Variants in KRTAP12-3 observed in about 807,000 individuals in gnomAD.
The protein encoded by KRTAP12-3 is keratin-associated protein 12-3.
In KRTAP12-3, 1 loss-of-function variant was observed where a neutral mutation model predicts 0.2. The ratio of observed to expected loss-of-function variants is 4.14; its 90% CI spans 1.47 to 19.66. The LOEUF (loss-of-function observed/expected upper bound fraction) is 19.66, where lower values mean the gene tolerates loss of function less well. Among genes scored for constraint, KRTAP12-3 ranks in the 30% most tolerant of loss-of-function variants. The probability of loss-of-function intolerance (pLI) is 0.11; values close to 1 mark genes in which losing one functional copy is unlikely to be tolerated. For synonymous variants in KRTAP12-3, 61 were observed against 54.3 expected, an observed-to-expected ratio of 1.12 and a Z score of -0.54; for missense variants, 116 against 128.2, an observed-to-expected ratio of 0.90 and a Z score of 0.46.
In KRTAP12-3 at chr21:44,658,328, G is replaced by C. The variant is rs1255677969; in HGVS notation, c.*58G>C. ...TGTATCCCTCCGTGAATAAGCATCTGGTGGACCCCCAGATTGCACACATAG... is the reference window on the plus strand; with the variant it reads ...TGTATCCCTCCGTGAATAAGCATCTCGTGGACCCCCAGATTGCACACATAG... On this transcript the variant is annotated 3_prime_UTR_variant, in exon 1 of 1. Coordinates refer to ENST00000397907, the MANE Select transcript of KRTAP12-3 (RefSeq NM_198697.2). 6.5e-7 allele frequency: 1 copy of C among 1,533,736 alleles called. No homozygotes were observed. The highest frequency in any genetic ancestry group is 1.2e-5 in the South Asian group (1 of 85,090).
Position 44,657,988 on chromosome 21 carries a change from C to T in KRTAP12-3, c.9C>T (p.His3=). ...CCCAGCCACACGCCACCATGTGCCACACCAGCTGCTCCCCAGCCTGCCAGC... is the reference window on the plus strand; with the variant it reads ...CCCAGCCACACGCCACCATGTGCCATACCAGCTGCTCCCCAGCCTGCCAGC... MC[H]TSCSPACQPT... is the part of the protein sequence containing the mutation. Residue 3 remains histidine, a synonymous_variant, in exon 1 of 1, where the codon CAC becomes CAT. Coordinates refer to ENST00000397907, the MANE Select transcript of KRTAP12-3 (RefSeq NM_198697.2). 1.2e-6 allele frequency: 2 copies of T among 1,613,258 alleles called. No individual in the cohort carries two copies. The highest frequency in any genetic ancestry group is 1.7e-6 in the Non-Finnish European group (2 of 1,179,458).
Position 44,658,280 on chromosome 21 carries a change from C to T in KRTAP12-3, c.*10C>T. The T allele has an allele frequency of 6.2e-7, 1 of 1,612,304 alleles. No individual in the cohort carries two copies. Among genetic ancestry groups the T allele is most frequent in the Non-Finnish European group, 8.5e-7 (1 of 1,178,754 alleles). On this transcript the variant is annotated 3_prime_UTR_variant, in exon 1 of 1. Transcript: ENST00000397907. ...CCCTTCCTGCTGCTGACCAGCTGCT[C>T]CTGGTACACGGGGGTACACACCTGT...
At position 44,658,281 on chromosome 21, in the gene KRTAP12-3, C is replaced by G; in HGVS notation, c.*11C>G. 1.2e-6 allele frequency: 2 copies of G among 1,612,370 alleles called. No individual in the cohort carries two copies. The highest frequency in any genetic ancestry group is 1.1e-5 in the South Asian group (1 of 90,976). ...CCTTCCTGCTGCTGACCAGCTGCTCCTGGTACACGGGGGTACACACCTGTA... is the reference window on the plus strand; with the variant it reads ...CCTTCCTGCTGCTGACCAGCTGCTCGTGGTACACGGGGGTACACACCTGTA... On this transcript the variant is annotated 3_prime_UTR_variant, in exon 1 of 1. Coordinates refer to ENST00000397907, the MANE Select transcript of KRTAP12-3 (RefSeq NM_198697.2).
rs782353512 is a variant in KRTAP12-3 at position 44,658,201 on chromosome 21, G to T, written c.222G>T (p.Gly74=). ...TGACTCCCTCTTGCCAATCTTCGGGGTGCTGCCAGCCCCCCTGCACCACTG... is the reference window on the plus strand; with the variant it reads ...TGACTCCCTCTTGCCAATCTTCGGGTTGCTGCCAGCCCCCCTGCACCACTG... The part of the protein sequence containing the change: ...IYVTPSCQSS[G]CCQPPCTTAL... The change falls in exon 1 of 1, where the codon GGG becomes GGT. Residue 74 remains glycine (G), a synonymous_variant. Coordinates refer to ENST00000397907, the MANE Select transcript of KRTAP12-3 (RefSeq NM_198697.2). The T allele has an allele frequency of 6.2e-7, 1 of 1,614,030 alleles. No homozygotes were observed.
chr21:44,658,122 C>T lies in KRTAP12-3; in HGVS notation c.143C>T (p.Pro48Leu), dbSNP rs1247090907. 2.5e-6 allele frequency: 4 copies of T among 1,613,592 alleles called. No individual in the cohort carries two copies. The highest frequency in any genetic ancestry group is 2.7e-5 in the African/African-American group (2 of 74,776). The change falls in exon 1 of 1, where the codon CCC (proline) becomes CTC (leucine). Residue 48 changes from proline (P) to leucine (L), a missense_variant. Transcript: ENST00000397907. ...TGCACGCGCATTGTGTGCGTGGCTC[C>T]CTCCTGCCAGCCCTCCGTGTGCGTG... The part of the protein sequence containing the change: ...VSCTRIVCVA[P>L]SCQPSVCVPV...
chr21:44,658,051 C>T lies in KRTAP12-3; in HGVS notation c.72C>T (p.Cys24=), dbSNP rs782729442. ...CCIHSPCQAS[C]YVPVSCQSSV... Reference sequence around the variant, plus strand: ...TACACAGCCCCTGCCAGGCATCCTGCTATGTGCCCGTGAGCTGCCAGTCCT... The same window carrying T: ...TACACAGCCCCTGCCAGGCATCCTGTTATGTGCCCGTGAGCTGCCAGTCCT... The change falls in exon 1 of 1, where the codon TGC becomes TGT. Residue 24 remains cysteine, a synonymous_variant. Transcript: ENST00000397907. The T allele has an allele frequency of 1.9e-6, 3 of 1,613,874 alleles. No individual in the cohort carries two copies. The South Asian group carries it at 3.3e-5, about 18-fold the overall frequency.
Position 44,658,072 on chromosome 21 carries a change from G to C in KRTAP12-3, c.93G>C (p.Gln31His). 1 of 1,613,992 alleles carries C rather than the reference G, an allele frequency of 6.2e-7. No homozygotes were observed. Among genetic ancestry groups the C allele is most frequent in the African/African-American group, 1.3e-5 (1 of 75,014 alleles). ...CCTGCTATGTGCCCGTGAGCTGCCA[G>C]TCCTCCGTGTGCATGCCCGTGAGCT... ...QASCYVPVSC[Q>H]SSVCMPVSCT... The change falls in exon 1 of 1, where the codon CAG (glutamine) becomes CAC (histidine). Residue 31 changes from glutamine to histidine, a missense_variant. By Grantham distance (24) the Gln-to-His change is conservative (BLOSUM62 0). Transcript: ENST00000397907.
Position 44,658,183 on chromosome 21 carries a change from C to T in KRTAP12-3, c.204C>T (p.Pro68=), listed in dbSNP as rs782217345. The change falls in exon 1 of 1, where the codon CCC becomes CCT. Residue 68 remains proline, a synonymous_variant. Coordinates refer to ENST00000397907, the MANE Select transcript of KRTAP12-3 (RefSeq NM_198697.2). ...VSCRPIIYVT[P]SCQSSGCCQP... ...GCAGGCCCATCATATATGTGACTCC[C>T]TCTTGCCAATCTTCGGGGTGCTGCC... is the stretch of plus-strand genomic sequence containing the variant. 3.7e-6 allele frequency: 6 copies of T among 1,614,090 alleles called. No homozygotes were observed. The Admixed American group carries it at 6.7e-5, about 18-fold the overall frequency.
In KRTAP12-3 at chr21:44,658,087, G is replaced by A. The variant is rs1286127794; in HGVS notation, c.108G>A (p.Met36Ile). Residue 36 changes from methionine to isoleucine, a missense_variant, in exon 1 of 1, where the codon ATG (methionine) becomes ATA (isoleucine). Physicochemically the swap from Met to Ile is conservative, Grantham distance 10. Transcript: ENST00000397907. ...VPVSCQSSVCMPVSCTRIVCV... is the reference protein window; with the variant it reads ...VPVSCQSSVCIPVSCTRIVCV... ...TGAGCTGCCAGTCCTCCGTGTGCAT[G>A]CCCGTGAGCTGCACGCGCATTGTGT... The A allele has an allele frequency of 5.0e-6, 8 of 1,613,860 alleles. No homozygotes were observed. The highest frequency in any genetic ancestry group is 3.3e-4 in the Middle Eastern group (2 of 6,084).
In KRTAP12-3 at chr21:44,658,029, A is replaced by G. The variant is rs9306111; in HGVS notation, c.50A>G (p.His17Arg). 0.72 allele frequency: 1,169,635 copies of G among 1,613,914 alleles called. 426,169 individuals carry two copies. Among genetic ancestry groups the G allele is most frequent in the African/African-American group, 0.89 (66,881 of 75,030 alleles). ...GCCTGCCAGCCAACCTGCTGCATAC[A>G]CAGCCCCTGCCAGGCATCCTGCTAT... ...SPACQPTCCI[H>R]SPCQASCYVP... Residue 17 changes from histidine (H) to arginine (R), a missense_variant, in exon 1 of 1, where the codon CAC becomes CGC. By Grantham distance (29) the His-to-Arg change is conservative. Transcript: ENST00000397907.
In KRTAP12-3 at chr21:44,657,958, A is replaced by T. The variant is rs587742064; in HGVS notation, c.-22A>T. 2 of 1,607,656 alleles carry T rather than the reference A, an allele frequency of 1.2e-6. No homozygotes were observed. The highest frequency in any genetic ancestry group is 2.2e-5 in the East Asian group (1 of 44,796). On this transcript the variant is annotated 5_prime_UTR_variant, in exon 1 of 1. Coordinates refer to ENST00000397907, the MANE Select transcript of KRTAP12-3 (RefSeq NM_198697.2). ...AGACATCACCATCCTCCTCCCCAGT[A>T]CCAGCCCAGCCACACGCCACCATGT...
Position 44,658,229 on chromosome 21 carries a change from C to T in KRTAP12-3, c.250C>T (p.Leu84Phe). 6.2e-7 allele frequency: 1 copy of T among 1,614,154 alleles called. No homozygotes were observed. The highest frequency in any genetic ancestry group is 8.5e-7 in the Non-Finnish European group (1 of 1,180,006). Residue 84 changes from leucine (L) to phenylalanine (F), a missense_variant, in exon 1 of 1, where the codon CTC becomes TTC. By Grantham distance (22) the Leu-to-Phe change is conservative. Transcript: ENST00000397907. ...GCCQPPCTTA[L>F]CRPISCSTPS... ...CTGCCAGCCCCCCTGCACCACTGCC[C>T]TCTGCAGACCCATCTCCTGCAGCAC...
Position 44,658,141 on chromosome 21 carries a change from G to A in KRTAP12-3, c.162G>A (p.Val54=). 1.9e-6 allele frequency: 3 copies of A among 1,613,504 alleles called. No homozygotes were observed. The highest frequency in any genetic ancestry group is 2.5e-6 in the Non-Finnish European group (3 of 1,179,806). Residue 54 remains valine (V), a synonymous_variant, in exon 1 of 1, where the codon GTG becomes GTA. Transcript: ENST00000397907. ...VCVAPSCQPS[V]CVPVSCRPII... The stretch of plus-strand genomic sequence containing the variant: ...TGGCTCCCTCCTGCCAGCCCTCCGT[G>A]TGCGTGCCCGTGAGCTGCAGGCCCA...
chr21:44,657,994 C>T lies in KRTAP12-3; in HGVS notation c.15C>T (p.Ser5=), dbSNP rs782481775. MCHT[S]CSPACQPTCC... is the part of the protein sequence containing the mutation. ...CACACGCCACCATGTGCCACACCAGCTGCTCCCCAGCCTGCCAGCCAACCT... is the reference window on the plus strand; with the variant it reads ...CACACGCCACCATGTGCCACACCAGTTGCTCCCCAGCCTGCCAGCCAACCT... The change falls in exon 1 of 1, where the codon AGC becomes AGT. Residue 5 remains serine (S), a synonymous_variant. Transcript: ENST00000397907. The T allele has an allele frequency of 5.6e-6, 9 of 1,613,416 alleles. No individual in the cohort carries two copies. The South Asian group carries it at 8.8e-5, about 16-fold the overall frequency.
At position 44,657,959 on chromosome 21, in the gene KRTAP12-3, C is replaced by T. The variant is rs782063826; in HGVS notation, c.-21C>T. On this transcript the variant is annotated 5_prime_UTR_variant, in exon 1 of 1. Transcript: ENST00000397907. Reference sequence around the variant, plus strand: ...GACATCACCATCCTCCTCCCCAGTACCAGCCCAGCCACACGCCACCATGTG... The same window carrying T: ...GACATCACCATCCTCCTCCCCAGTATCAGCCCAGCCACACGCCACCATGTG... 11 of 1,607,732 alleles carry T rather than the reference C, an allele frequency of 6.8e-6. No individual in the cohort carries two copies. The African/African-American group carries it at 1.5e-4, about 21-fold the overall frequency.
Position 44,658,096 on chromosome 21 carries a change from C to T in KRTAP12-3, c.117C>T (p.Ser39=). ...AGTCCTCCGTGTGCATGCCCGTGAG[C>T]TGCACGCGCATTGTGTGCGTGGCTC... The part of the protein sequence containing the change: ...SCQSSVCMPV[S]CTRIVCVAPS... Residue 39 remains serine, a synonymous_variant, in exon 1 of 1, where the codon AGC becomes AGT. Transcript: ENST00000397907. 1 of 1,613,986 alleles carries T rather than the reference C, an allele frequency of 6.2e-7. No homozygotes were observed. Among genetic ancestry groups the T allele is most frequent in the Non-Finnish European group, 8.5e-7 (1 of 1,179,938 alleles).
In KRTAP12-3 at chr21:44,657,999, C is replaced by T. The variant is rs782186059; in HGVS notation, c.20C>T (p.Ser7Phe). The T allele has an allele frequency of 1.9e-6, 3 of 1,613,574 alleles. No individual in the cohort carries two copies. The highest frequency in any genetic ancestry group is 2.5e-6 in the Non-Finnish European group (3 of 1,179,768). The change falls in exon 1 of 1, where the codon TCC becomes TTC. Residue 7 changes from serine (S) to phenylalanine (F), a missense_variant. Physicochemically the swap from Ser to Phe is radical, Grantham distance 155 (BLOSUM62 -2). Coordinates refer to ENST00000397907, the MANE Select transcript of KRTAP12-3 (RefSeq NM_198697.2). The stretch of plus-strand genomic sequence containing the variant: ...GCCACCATGTGCCACACCAGCTGCT[C>T]CCCAGCCTGCCAGCCAACCTGCTGC... Reference protein sequence around the residue: MCHTSCSPACQPTCCIH... With the variant: MCHTSCFPACQPTCCIH...
rs1555942981 is a variant in KRTAP12-3 at position 44,658,242 on chromosome 21, T to C, written c.263T>C (p.Ile88Thr). The change falls in exon 1 of 1, where the codon ATC becomes ACC. Residue 88 changes from isoleucine to threonine, a missense_variant. Transcript: ENST00000397907. ...TGCACCACTGCCCTCTGCAGACCCA[T>C]CTCCTGCAGCACCCCTTCCTGCTGC... ...PPCTTALCRP[I>T]SCSTPSCC The C allele has an allele frequency of 6.2e-7, 1 of 1,613,764 alleles. No homozygotes were observed. Among genetic ancestry groups the C allele is most frequent in the African/African-American group, 1.3e-5 (1 of 74,882 alleles).
rs1555942881 is a variant in KRTAP12-3, at chr21:44,658,001, C to G, written c.22C>G (p.Pro8Ala). Residue 8 changes from proline to alanine, a missense_variant, in exon 1 of 1, where the codon CCA becomes GCA. By Grantham distance (27) the Pro-to-Ala change is conservative. Transcript: ENST00000397907. ...CACCATGTGCCACACCAGCTGCTCC[C>G]CAGCCTGCCAGCCAACCTGCTGCAT... MCHTSCS[P>A]ACQPTCCIHS... 6.2e-7 allele frequency: 1 copy of G among 1,613,712 alleles called. No individual in the cohort carries two copies. The highest frequency in any genetic ancestry group is 8.5e-7 in the Non-Finnish European group (1 of 1,179,766).
Sources: allele counts gnomAD v4.1 joint callset, GRCh38; gene constraint gnomAD v4.1.1; transcripts MANE v1.5; gene names NCBI Gene and HGNC (gene_info 2026-07-23, HGNC 2026-07-21).